The following WDR20 variants were observed in gnomAD, a reference collection of about 807,000 sequenced individuals.
WDR20 encodes the protein WD repeat domain 20.
WDR20 carries 3 observed loss-of-function variants against 38.7 expected under a neutral mutation model. The observed-to-expected ratio is 0.08, with a 90% confidence interval of 0.04 to 0.20. WDR20 has a LOEUF of 0.20. WDR20 is among the 10% of genes least tolerant of loss of function. The pLI, the probability that WDR20 is intolerant of heterozygous loss-of-function variation, is 1.00. For missense variants in WDR20, 559 were observed against 727.7 expected (o/e 0.77, Z 2.67); for synonymous variants, 298 against 285.6 (o/e 1.04, Z -0.44).
chr14:102,164,448 C>T (rs149447675), intron 1 of WDR20, among the ~76,000 whole-genome samples: 1 of 152,202 alleles, frequency 6.6e-6, no homozygotes, highest in South Asian at 2.1e-4. Flanking sequence ...CAGTGACATG[C>T]GGGATCTTGT....
intron 2 of WDR20, among the ~76,000 whole-genome samples, chr14:102,197,135 C>T (rs1205712014): frequency 6.6e-6 from 1 of 152,104 alleles, no homozygotes; most frequent in Non-Finnish European, 1.5e-5. Context: ...GAGTTGTTCC[C>T]ATTTTACAGA....
chr14:102,202,402 C>T (rs557278842), intron 2 of WDR20, among the ~76,000 whole-genome samples: 4 of 99,280 alleles, frequency 4.0e-5, no homozygotes, highest in African/African-American at 1.6e-4. Context: ...TTTTTTGAGA[C>T]GGAGTCTCGC....
intron 1 of WDR20, among the ~76,000 whole-genome samples, chr14:102,174,037 C>T (rs188913649): frequency 6.7e-6 from 1 of 148,980 alleles, no homozygotes; most frequent in East Asian, 2.0e-4. Flanking sequence ...GAGTGAGACT[C>T]CATCTCAAAA....
intron 1 of WDR20, among the ~76,000 whole-genome samples, chr14:102,189,594 G>T (rs1282623672): frequency 5.3e-5 from 8 of 152,162 alleles, no homozygotes; most frequent in Non-Finnish European, 1.0e-4. Flanking sequence ...TAATAAATTG[G>T]TTCTTCTATA....
chr14:102,171,907 CT>C (rs11308925), intron 1 of WDR20, among the ~76,000 whole-genome samples: 12,797 of 139,224 alleles, frequency 0.092, 992 homozygotes, highest in African/African-American at 0.21. Flanking sequence ...GTTTGTTTTC[CT>C]TTTTTTTTTT....
At chr14:102,151,521 A>T (rs537538156) in intron 1 of WDR20, among the ~76,000 whole-genome samples, 63 of 151,428 alleles carry the variant, frequency 4.2e-4, no homozygotes, top group Non-Finnish European at 8.0e-4. Context: ...TTAGCCTCCC[A>T]TGTAGCTGGG....
chr14:102,162,577 C>T (rs1566863418), intron 1 of WDR20, among the ~76,000 whole-genome samples: 1 of 142,388 alleles, frequency 7.0e-6, no homozygotes, highest in Non-Finnish European at 1.6e-5. Context: ...TTCTTTTTCT[C>T]TCTCTCTCTT....
chr14:102,170,061 A>T (rs1376521495), intron 1 of WDR20, among the ~76,000 whole-genome samples: 1 of 152,164 alleles, frequency 6.6e-6, no homozygotes, highest in African/African-American at 2.4e-5. Context: ...TAATACACAA[A>T]ATTACAGATA....
intron 1 of WDR20, among the ~76,000 whole-genome samples, chr14:102,148,843 C>T (rs1487262546): frequency 6.6e-6 from 1 of 151,994 alleles, no homozygotes; most frequent in African/African-American, 2.4e-5. Context: ...CAGGCATGTG[C>T]CACTGTGCCT....
intron 1 of WDR20, among the ~76,000 whole-genome samples, chr14:102,154,901 G>A (rs755479369): frequency 1.2e-4 from 18 of 152,158 alleles, no homozygotes; most frequent in Non-Finnish European, 2.2e-4. Flanking sequence ...CTTTATGGAA[G>A]AAGAAATGGA....
intron 1 of WDR20, among the ~76,000 whole-genome samples, chr14:102,180,930 A>G (rs1596388419): frequency 1.3e-5 from 2 of 152,272 alleles, no homozygotes; most frequent in East Asian, 3.9e-4. Context: ...TTTTTTGGTG[A>G]GTATTTGGCT....
At chr14:102,156,290 C>G (rs1368894752) in intron 1 of WDR20, among the ~76,000 whole-genome samples, 1 of 151,630 alleles carries the variant, frequency 6.6e-6, no homozygotes, top group African/African-American at 2.4e-5. Flanking sequence ...GCCTCAGCCT[C>G]CCGAGTAGCT....
chr14:102,140,250 G>A (rs894175334), intron 1 of WDR20, 78 bp downstream of exon 1: 1 of 1,575,238 alleles, frequency 6.3e-7, no homozygotes, highest in Non-Finnish European at 8.6e-7. Context: ...GTGGGGCCAG[G>A]GTGACCGAGA....
At chr14:102,172,175 T>C (rs538386983) in intron 1 of WDR20, among the ~76,000 whole-genome samples, 44 of 149,334 alleles carry the variant, frequency 2.9e-4, no homozygotes, top group African/African-American at 6.8e-4. Flanking sequence ...TTAATCCATT[T>C]AACCCTGAGT....
At chr14:102,177,683 G>A (rs2062450280) in intron 1 of WDR20, among the ~76,000 whole-genome samples, 1 of 152,172 alleles carries the variant, frequency 6.6e-6, no homozygotes, top group Non-Finnish European at 1.5e-5. Flanking sequence ...TCTGGGAGTA[G>A]CAGGTGATTG....
chr14:102,206,245 C>G (rs937431835), intron 2 of WDR20, among the ~76,000 whole-genome samples: 6 of 152,214 alleles, frequency 3.9e-5, no homozygotes, highest in Non-Finnish European at 8.8e-5. Flanking sequence ...CCTCGGCCTC[C>G]CAAAGTGCTG....
intron 1 of WDR20, among the ~76,000 whole-genome samples, chr14:102,166,060 C>T (rs2059710345): frequency 6.6e-6 from 1 of 152,092 alleles, no homozygotes. Context: ...GACATCATCA[C>T]GGCTCACTGC....
At chr14:102,154,190 A>G (rs1015625418) in intron 1 of WDR20, among the ~76,000 whole-genome samples, 1 of 152,170 alleles carries the variant, frequency 6.6e-6, no homozygotes, top group South Asian at 2.1e-4. Flanking sequence ...TTCATATACT[A>G]CTTACTACTG....
Position 102,223,060 on chromosome 14 carries a change from C to G in WDR20, c.*177C>G, listed in dbSNP as rs2064100303. Reference sequence around the variant, plus strand: ...CGGCGCCGTGCTCCCGCTGCTCACCCAAAGAAGTTGTTTCCATTTTAAACC... The same window carrying G: ...CGGCGCCGTGCTCCCGCTGCTCACCGAAAGAAGTTGTTTCCATTTTAAACC... On this transcript the variant is annotated 3_prime_UTR_variant, in exon 4 of 4. Coordinates refer to the WDR20 transcript ENST00000335263. 16 of 609,270 alleles carry G rather than the reference C, an allele frequency of 2.6e-5. 1 individual carries two copies. In the South Asian group the frequency reaches 3.4e-4, roughly 13 times the overall value. The allele number at this position is 609,270 out of a possible 1,614,324, so 37.7% of individuals were successfully genotyped here.
Sources: gnomAD v4.1 joint callset for allele counts (sites outside exome capture counted in the v4.1 genomes callset) on GRCh38, gnomAD v4.1.1 for gene constraint, MANE v1.5 for transcripts, NCBI Gene and HGNC (gene_info 2026-07-23, HGNC 2026-07-21) for gene names.